The following RUNDC3B variants were observed in gnomAD, a reference collection of about 807,000 sequenced individuals.
RUNDC3B encodes RUN domain-containing protein 3B.
A neutral mutation model predicts 58.4 loss-of-function variants in RUNDC3B; 33 were observed. That is an observed-to-expected ratio of 0.56 (90% CI 0.43 to 0.75). The LOEUF (loss-of-function observed/expected upper bound fraction) is 0.75, where lower values mean the gene tolerates loss of function less well. Ranked by LOEUF, RUNDC3B falls within the 30% of genes least tolerant of loss-of-function variation. The probability of loss-of-function intolerance (pLI) is 0.00; values close to 1 mark genes in which losing one functional copy is unlikely to be tolerated. For synonymous variants in RUNDC3B, 193 were observed against 195.2 expected (o/e 0.99, Z 0.10); for missense variants, 501 against 535.7 (o/e 0.94, Z 0.64).
Position 87,824,603 on chromosome 7 carries a change from G to T in RUNDC3B, c.1226-5282G>T, listed in dbSNP as rs574481995. On this transcript the variant is annotated intron_variant, in intron 10 of 10. Transcript: ENST00000394654. ...CATGTGGAAGGGACTTTGGAACTGG[G>T]TTAACAGGCAGAGGTTGGAACAGTT... Among the ~76,000 whole-genome samples the T allele has an allele frequency of 8.5e-5, 13 of 152,324 alleles. No homozygotes were observed. In the South Asian group the frequency reaches 2.7e-3, roughly 32 times the overall value.
At chr7:87,787,873 C>T (rs113244498) in intron 8 of RUNDC3B, among the ~76,000 whole-genome samples, 30 of 152,262 alleles carry the variant, frequency 2.0e-4, no homozygotes, top group African/African-American at 6.7e-4. Flanking sequence ...CAAAATGCTA[C>T]GGATCAAACA....
chr7:87,731,191 C>T (rs1831556406), intron 4 of RUNDC3B, among the ~76,000 whole-genome samples: 1 of 152,086 alleles, frequency 6.6e-6, no homozygotes, highest in Non-Finnish European at 1.5e-5. Flanking sequence ...TGGACATCCA[C>T]AGGCATCAAG....
intron 8 of RUNDC3B, among the ~76,000 whole-genome samples, chr7:87,794,388 T>G (rs1835695737): frequency 6.6e-6 from 1 of 152,114 alleles, no homozygotes; most frequent in Admixed American, 6.6e-5. Flanking sequence ...TGAGCTGAGA[T>G]CATGCCACTG....
At chr7:87,724,600 A>G (rs971665341) in intron 4 of RUNDC3B, among the ~76,000 whole-genome samples, 5 of 151,884 alleles carry the variant, frequency 3.3e-5, no homozygotes, top group Non-Finnish European at 7.4e-5. Flanking sequence ...TGTAATAGAA[A>G]ATAATAATAA....
chr7:87,748,323 G>T (rs948833126), intron 6 of RUNDC3B, among the ~76,000 whole-genome samples: 1 of 152,158 alleles, frequency 6.6e-6, no homozygotes, highest in African/African-American at 2.4e-5. Flanking sequence ...GGGCACCCAC[G>T]GTATTTGGCA....
chr7:87,704,792 A>T lies in RUNDC3B; in HGVS notation c.372+4238A>T, dbSNP rs550558012. On this transcript the variant is annotated intron_variant, in intron 3 of 10. Coordinates refer to ENST00000394654, the MANE Select transcript of RUNDC3B (RefSeq NM_001134405.2). ...TGGGAAGAGTCTGTGGAGAAAGATTACCTCTCTTTATTCATTGCAATGAAA... is the reference window on the plus strand; with the variant it reads ...TGGGAAGAGTCTGTGGAGAAAGATTTCCTCTCTTTATTCATTGCAATGAAA... Among the ~76,000 whole-genome samples, 15 of 152,292 alleles carry T rather than the reference A, an allele frequency of 9.8e-5. No homozygotes were observed. In the East Asian group the frequency reaches 2.9e-3, roughly 29 times the overall value.
chr7:87,829,375 A>C (rs1838011139), intron 10 of RUNDC3B, among the ~76,000 whole-genome samples: 1 of 151,882 alleles, frequency 6.6e-6, no homozygotes, highest in Admixed American at 6.6e-5. Context: ...GACTTACGTC[A>C]TAAATTCTTT....
At chr7:87,677,348 AAAG>A (rs1034146511) in intron 2 of RUNDC3B, among the ~76,000 whole-genome samples, 1 of 151,864 alleles carries the variant, frequency 6.6e-6, no homozygotes, top group Non-Finnish European at 1.5e-5. Context: ...AAAAAAAAAA[AAAG>A]GAAATCCTGC....
intron 8 of RUNDC3B, among the ~76,000 whole-genome samples, chr7:87,801,629 C>T (rs1401588068): frequency 1.1e-4 from 16 of 151,912 alleles, no homozygotes; most frequent in African/African-American, 3.6e-4. Flanking sequence ...ATTAGCTGGG[C>T]GTTGTGGCAC....
At chr7:87,660,496 G>A (rs1016707967) in intron 2 of RUNDC3B, among the ~76,000 whole-genome samples, 3 of 151,960 alleles carry the variant, frequency 2.0e-5, no homozygotes, top group African/African-American at 4.8e-5. Context: ...AGTCTAAAAC[G>A]TTTTTAGTTC....
intron 6 of RUNDC3B, among the ~76,000 whole-genome samples, chr7:87,752,429 G>T (rs1350071409): frequency 2.0e-5 from 3 of 152,066 alleles, no homozygotes; most frequent in Non-Finnish European, 4.4e-5. Context: ...TCTATTGATT[G>T]GAATAGTTTC....
intron 6 of RUNDC3B, among the ~76,000 whole-genome samples, chr7:87,760,087 T>C (rs1012936626): frequency 6.6e-6 from 1 of 151,214 alleles, no homozygotes; most frequent in African/African-American, 2.4e-5. Flanking sequence ...TTTTTCTTAA[T>C]GGGTGTTTTT....
chr7:87,769,166 AT>A (rs77945268), intron 6 of RUNDC3B, among the ~76,000 whole-genome samples: 1,431 of 134,918 alleles, frequency 0.011, 6 homozygotes, highest in African/African-American at 0.022. Flanking sequence ...ACGCCCAGCT[AT>A]TTTTTTTTTT....
At chr7:87,787,293 A>G (rs1384931386) in intron 8 of RUNDC3B, among the ~76,000 whole-genome samples, 2 of 152,166 alleles carry the variant, frequency 1.3e-5, no homozygotes, top group African/African-American at 4.8e-5. Flanking sequence ...CCTATAATCA[A>G]AGTTGGGCAT....
chr7:87,661,728 T>A (rs1824736292), intron 2 of RUNDC3B, among the ~76,000 whole-genome samples: 1 of 152,108 alleles, frequency 6.6e-6, no homozygotes, highest in Non-Finnish European at 1.5e-5. Flanking sequence ...TGCAGCTATC[T>A]CTTCAGTATA....
In RUNDC3B at chr7:87,807,454, T is replaced by G; in HGVS notation, c.1038T>G (p.Ala346=). 6.2e-7 allele frequency: 1 copy of G among 1,613,012 alleles called. No individual in the cohort carries two copies. Among genetic ancestry groups the G allele is most frequent in the Non-Finnish European group, 8.5e-7 (1 of 1,179,040 alleles). ...HLTNQWPSPG[A]LDVNAVALDT... is the part of the protein sequence containing the mutation. ...CCAACCAGTGGCCTTCTCCAGGAGC[T>G]CTGGATGTCAATGCTGTTGCCTTGG... The change falls in exon 9 of 11, where the codon GCT becomes GCG. Residue 346 remains alanine (A), a synonymous_variant. Transcript: ENST00000394654.
At position 87,718,151 on chromosome 7, in the gene RUNDC3B, G is replaced by T. The variant is rs568445397; in HGVS notation, c.458+7496G>T. On this transcript the variant is annotated intron_variant, in intron 4 of 10. Transcript: ENST00000394654. ...AAAGGATGCAAAGCATATAAGTAAAGGGAAAAGGCATATGCGGCAATGTCC... is the reference window on the plus strand; with the variant it reads ...AAAGGATGCAAAGCATATAAGTAAATGGAAAAGGCATATGCGGCAATGTCC... 8.5e-5 allele frequency among the ~76,000 whole-genome samples: 13 copies of T among 152,266 alleles called. 1 individual carries two copies. The highest frequency in any genetic ancestry group is 3.1e-4 in the African/African-American group (13 of 41,572).
At chr7:87,655,078 G>A (rs190248125) in intron 2 of RUNDC3B, among the ~76,000 whole-genome samples, 1 of 152,158 alleles carries the variant, frequency 6.6e-6, no homozygotes. Flanking sequence ...CTTGTAGTAG[G>A]AATGTAAATT....
chr7:87,722,912 A>C (rs186856306), intron 4 of RUNDC3B, among the ~76,000 whole-genome samples: 1 of 152,076 alleles, frequency 6.6e-6, no homozygotes, highest in Non-Finnish European at 1.5e-5. Flanking sequence ...AATTTCACCA[A>C]CCTCTCTTCC....
Sources: gnomAD v4.1 joint callset for allele counts (sites outside exome capture counted in the v4.1 genomes callset) on GRCh38, gnomAD v4.1.1 for gene constraint, MANE v1.5 for transcripts, NCBI Gene and HGNC (gene_info 2026-07-23, HGNC 2026-07-21) for gene names.